Variants in COMMD1 observed in about 807,000 individuals in gnomAD.
COMMD1 encodes copper metabolism domain containing 1, also known as COMM domain-containing protein 1.
A neutral mutation model predicts 17.2 loss-of-function variants in COMMD1; 10 were observed. The observed-to-expected ratio is 0.58, with a 90% CI of 0.36 to 0.99. The LOEUF is 0.99. Among genes scored for constraint, COMMD1 ranks in the 50% least tolerant of loss-of-function variants. The probability of loss-of-function intolerance (pLI) is 0.01; values close to 1 mark genes in which losing one functional copy is unlikely to be tolerated. For missense variants in COMMD1, 270 were observed against 231.8 expected, an observed-to-expected ratio of 1.17 and a Z score of -1.07; for synonymous variants, 97 against 91.6, an observed-to-expected ratio of 1.06 and a Z score of -0.34.
At chr2:62,052,424 C>G (rs1436272354) in intron 2 of COMMD1, among the ~76,000 whole-genome samples, 1 of 152,160 alleles carries the variant, frequency 6.6e-6, no homozygotes, top group African/African-American at 2.4e-5. Flanking sequence ...TCCCACGTAT[C>G]TTCAGGGTCC....
intron 2 of COMMD1, among the ~76,000 whole-genome samples, chr2:62,107,941 C>T (rs1255691148): frequency 6.6e-6 from 1 of 152,136 alleles, no homozygotes; most frequent in Non-Finnish European, 1.5e-5. Context: ...ATGTCTTTCA[C>T]ATTTTTTCCC....
intron 2 of COMMD1, among the ~76,000 whole-genome samples, chr2:62,134,158 G>C (rs548245893): frequency 5.8e-4 from 88 of 152,096 alleles, no homozygotes; most frequent in African/African-American, 2.0e-3. Context: ...GAAACTCCAA[G>C]ACTTATTTTT....
At chr2:61,902,912 G>A (rs1248314484), upstream of COMMD1, among the ~76,000 whole-genome samples, 1 of 152,090 alleles carries the variant, frequency 6.6e-6, no homozygotes, top group Admixed American at 6.6e-5. Flanking sequence ...ATAGAAATAG[G>A]TGCAGCCTTT....
At chr2:61,974,813 A>T (rs1020403755) in intron 1 of COMMD1, among the ~76,000 whole-genome samples, 7 of 152,128 alleles carry the variant, frequency 4.6e-5, no homozygotes, top group African/African-American at 1.7e-4. Context: ...TCCCCTATTA[A>T]TATCTTGCAT....
rs376254872 is a variant in COMMD1 at position 62,133,402 on chromosome 2, G to A, written c.463-2429G>A. The stretch of plus-strand genomic sequence containing the variant: ...TGGGGGTAGGAAATGCCATAGTATC[G>A]TAGGGGACGAAAAAGTTTTTCTCTG... On this transcript the variant is annotated intron_variant, in intron 2 of 2. Transcript: ENST00000311832. 1.4e-4 allele frequency among the ~76,000 whole-genome samples: 22 copies of A among 152,238 alleles called. 1 individual carries two copies. In the East Asian group the frequency reaches 3.7e-3, roughly 25 times the overall value.
intron 2 of COMMD1, among the ~76,000 whole-genome samples, chr2:62,027,498 A>G (rs1669790959): frequency 6.6e-6 from 1 of 152,192 alleles, no homozygotes; most frequent in South Asian, 2.1e-4. Flanking sequence ...GCAACACTGG[A>G]ACACCTCTTT....
intron 2 of COMMD1, among the ~76,000 whole-genome samples, chr2:62,063,868 A>AATT (rs1670947653): frequency 1.2e-5 from 1 of 81,176 alleles, no homozygotes; most frequent in South Asian, 4.3e-4. Flanking sequence ...GTCTCTACAA[A>AATT]ATATATATAT....
chr2:61,892,908 C>T (rs1669468225), intron 1 of COMMD1, among the ~76,000 whole-genome samples: 1 of 151,794 alleles, frequency 6.6e-6, no homozygotes, highest in African/African-American at 2.4e-5. Context: ...CGCTCTGTCG[C>T]CCAGCCTGGA....
intron 2 of COMMD1, among the ~76,000 whole-genome samples, chr2:62,062,650 A>G (rs1670895721): frequency 6.6e-6 from 1 of 152,212 alleles, no homozygotes; most frequent in African/African-American, 2.4e-5. Context: ...AATAAAGCTA[A>G]TTAATCCATT....
intron 2 of COMMD1, among the ~76,000 whole-genome samples, chr2:62,058,507 G>A (rs1012216095): frequency 1.3e-5 from 2 of 152,112 alleles, no homozygotes; most frequent in African/African-American, 4.8e-5. Flanking sequence ...CAGGCATGGT[G>A]GCTTATACCT....
intron 2 of COMMD1, among the ~76,000 whole-genome samples, chr2:62,012,134 G>C (rs1197922512): frequency 5.9e-5 from 9 of 151,820 alleles, no homozygotes; most frequent in Non-Finnish European, 1.5e-5. Context: ...GCATGCACCT[G>C]TAATCTCAGC....
intron 2 of COMMD1, among the ~76,000 whole-genome samples, chr2:62,126,043 A>G (rs1672876527): frequency 6.6e-6 from 1 of 151,972 alleles, no homozygotes; most frequent in African/African-American, 2.4e-5. Context: ...TTCCTGCATT[A>G]GTTTGCTGAA....
intron 1 of COMMD1, among the ~76,000 whole-genome samples, chr2:61,947,904 C>T (rs1355608173): frequency 1.3e-5 from 2 of 151,680 alleles, no homozygotes; most frequent in Non-Finnish European, 2.9e-5. Context: ...TTTGTCAGAA[C>T]AGAGACTCAA....
At chr2:62,071,367 TTGTC>T (rs1671194475) in intron 2 of COMMD1, among the ~76,000 whole-genome samples, 1 of 152,228 alleles carries the variant, frequency 6.6e-6, no homozygotes, top group Non-Finnish European at 1.5e-5. Flanking sequence ...TTGGAGGGAT[TTGTC>T]TGGCTTTTTC....
At chr2:62,110,613 G>A (rs1053761462) in intron 2 of COMMD1, among the ~76,000 whole-genome samples, 4 of 152,264 alleles carry the variant, frequency 2.6e-5, no homozygotes, top group Admixed American at 2.6e-4. Context: ...CTGACCCTGA[G>A]CTACATGAAG....
chr2:61,900,473 T>C (rs2105163101), intron 1 of COMMD1, among the ~76,000 whole-genome samples: 1 of 152,394 alleles, frequency 6.6e-6, no homozygotes, highest in East Asian at 1.9e-4. Context: ...CCTGCAGGCA[T>C]GACTTAACTC....
chr2:62,126,807 G>A (rs1321032826), intron 2 of COMMD1, among the ~76,000 whole-genome samples: 1 of 152,098 alleles, frequency 6.6e-6, no homozygotes. Flanking sequence ...CATTCCCCTT[G>A]AAAACCGGCA....
intron 2 of COMMD1, among the ~76,000 whole-genome samples, chr2:62,049,461 T>A (rs988351502): frequency 6.6e-6 from 1 of 152,112 alleles, no homozygotes; most frequent in African/African-American, 2.4e-5. Flanking sequence ...CATCTTTGGT[T>A]GTTTCACCTC....
At chr2:61,982,013 T>A (rs903279782) in intron 1 of COMMD1, among the ~76,000 whole-genome samples, 2 of 152,232 alleles carry the variant, frequency 1.3e-5, no homozygotes, top group African/African-American at 4.8e-5. Context: ...GTTTTTCTGT[T>A]TCTGTGAAGA....
Sources: allele counts gnomAD v4.1 joint callset (sites outside exome capture counted in the v4.1 genomes callset), GRCh38; gene constraint gnomAD v4.1.1; transcripts MANE v1.5; gene names NCBI Gene and HGNC (gene_info 2026-07-23, HGNC 2026-07-21).